Variants in HS2ST1 observed in about 807,000 individuals in gnomAD.
The protein encoded by HS2ST1 is heparan sulfate 2-O-sulfotransferase 1.
A neutral mutation model predicts 42.9 loss-of-function variants in HS2ST1; 18 were observed. The ratio of observed to expected loss-of-function variants is 0.42; its 90% CI spans 0.29 to 0.62. The LOEUF is 0.62. HS2ST1 is among the 20% of genes least tolerant of loss of function. The pLI, the probability that HS2ST1 is intolerant of heterozygous loss-of-function variation, is 0.21. For missense variants in HS2ST1, 334 were observed against 433.8 expected (o/e 0.77, Z 2.04); for synonymous variants, 146 against 152.9 (o/e 0.95, Z 0.33).
chr1:87,064,337 A>C (rs1169303315), intron 1 of HS2ST1, among the ~76,000 whole-genome samples: 1 of 152,198 alleles, frequency 6.6e-6, no homozygotes, highest in Non-Finnish European at 1.5e-5. Flanking sequence ...CAGGGGTTCC[A>C]GTAGTCTACT....
intron 1 of HS2ST1, among the ~76,000 whole-genome samples, chr1:87,013,091 C>G (rs745821136): frequency 6.6e-6 from 1 of 152,206 alleles, no homozygotes; most frequent in Non-Finnish European, 1.5e-5. Context: ...GTCTACCATT[C>G]TAGGGTCTGG....
intron 1 of HS2ST1, among the ~76,000 whole-genome samples, chr1:86,917,960 G>A (rs554672149): frequency 1.3e-5 from 2 of 152,230 alleles, no homozygotes; most frequent in South Asian, 2.1e-4. Context: ...TTCCATACGT[G>A]CAAAATCACA....
Position 87,045,336 on chromosome 1 carries a change from A to G in HS2ST1, c.125-27598A>G, listed in dbSNP as rs115287846. ...CAATTTCTCATTCCAAATTCTGACA[A>G]CTTCTTGTGATTATTAGCTTCTGTC... On this transcript the variant is annotated intron_variant, in intron 1 of 6. Transcript: ENST00000370550. 8,507 of 1,272,642 alleles carry G rather than the reference A, an allele frequency of 6.7e-3. 33 individuals carry two copies. Among genetic ancestry groups the G allele is most frequent in the Non-Finnish European group, 8.8e-3 (7,623 of 869,902 alleles). The allele number at this position is 1,272,642 out of a possible 1,614,324, so 78.8% of individuals were successfully genotyped here.
intron 1 of HS2ST1, among the ~76,000 whole-genome samples, chr1:86,917,954 A>G (rs1479394923): frequency 3.9e-5 from 6 of 152,238 alleles, no homozygotes; most frequent in Admixed American, 3.9e-4. Flanking sequence ...GCTGTTTTCC[A>G]TACGTGCAAA....
chr1:87,073,477 C>G (rs960398679), intron 2 of HS2ST1, among the ~76,000 whole-genome samples: 1 of 151,998 alleles, frequency 6.6e-6, no homozygotes, highest in Non-Finnish European at 1.5e-5. Context: ...TGGCATGATA[C>G]CCTGCAATAA....
At chr1:86,934,386 A>C (rs1227411723) in intron 1 of HS2ST1, 1 of 152,258 alleles carries the variant, frequency 6.6e-6, no homozygotes, top group Non-Finnish European at 1.5e-5. Context: ...AAAACTCAGG[A>C]AAGTTTCCTC....
Position 86,992,879 on chromosome 1 carries a change from A to G in HS2ST1, c.124+77719A>G, listed in dbSNP as rs1038939899. The stretch of plus-strand genomic sequence containing the variant: ...AGTGTTTTTATTCTAGTTTTGATGA[A>G]GGGGAAGATTGTAGAAGAATTTAAT... On this transcript the variant is annotated intron_variant, in intron 1 of 6. Transcript: ENST00000370550. 7.1e-5 allele frequency: 37 copies of G among 524,270 alleles called. No homozygotes were observed. The Middle Eastern group carries it at 1.5e-3, about 21-fold the overall frequency. The allele number at this position is 524,270 out of a possible 1,614,324, so 32.5% of individuals were successfully genotyped here.
chr1:86,950,164 A>G (rs909437208), intron 1 of HS2ST1, among the ~76,000 whole-genome samples: 4 of 152,260 alleles, frequency 2.6e-5, no homozygotes, highest in Non-Finnish European at 5.9e-5. Context: ...AACTGACGTT[A>G]CGTATTCCTT....
rs935658750 is a variant in HS2ST1 at position 87,109,728 on chromosome 1, T to C, written c.*5032T>C. ...TGAGTTTTCTTAACAGAATTTGGTT[T>C]GTACTTGCAGTGGCTGAACAAAGAG... On this transcript the variant is annotated 3_prime_UTR_variant, in exon 7 of 7. Transcript: ENST00000370550. 3 of 152,124 alleles carry C rather than the reference T, an allele frequency of 2.0e-5. No individual in the cohort carries two copies. The highest frequency in any genetic ancestry group is 7.2e-5 in the African/African-American group (3 of 41,440). The allele number at this position is 152,124 out of a possible 1,614,324, so 9.4% of individuals were successfully genotyped here.
At chr1:86,916,672 G>T (rs1361551710) in intron 1 of HS2ST1, among the ~76,000 whole-genome samples, 3 of 152,008 alleles carry the variant, frequency 2.0e-5, no homozygotes, top group East Asian at 1.9e-4. Context: ...AATATTGAAG[G>T]TTATCCAGTC....
At chr1:87,060,218 C>T (rs1267504642) in intron 1 of HS2ST1, among the ~76,000 whole-genome samples, 1 of 152,066 alleles carries the variant, frequency 6.6e-6, no homozygotes, top group African/African-American at 2.4e-5. Context: ...CATCTTCTGT[C>T]CCTCTGTTTC....
chr1:86,959,602 G>T (rs148288715), intron 1 of HS2ST1, among the ~76,000 whole-genome samples: 1 of 152,296 alleles, frequency 6.6e-6, no homozygotes, highest in East Asian at 1.9e-4. Context: ...ATGTTGCAGA[G>T]AGCTGAGATC....
chr1:86,957,310 A>G (rs1170683736), intron 1 of HS2ST1, among the ~76,000 whole-genome samples: 2 of 152,230 alleles, frequency 1.3e-5, no homozygotes, highest in East Asian at 3.8e-4. Context: ...CCCATTTTAC[A>G]GAGGAAGAAA....
intron 1 of HS2ST1, among the ~76,000 whole-genome samples, chr1:87,049,929 T>C (rs1386703372): frequency 4.6e-5 from 7 of 152,086 alleles, no homozygotes; most frequent in Admixed American, 3.9e-4. Flanking sequence ...AACTCTCTTA[T>C]AAAGGTACAA....
rs553730556 is a variant in HS2ST1 at position 86,931,930 on chromosome 1, T to C, written c.124+16770T>C. Reference sequence around the variant, plus strand: ...AATTTAAGAAAATCTGATAAAGTAGTTTATAACTTTTCTTTCTTCTTTTTG... The same window carrying C: ...AATTTAAGAAAATCTGATAAAGTAGCTTATAACTTTTCTTTCTTCTTTTTG... On this transcript the variant is annotated intron_variant, in intron 1 of 6. Coordinates refer to ENST00000370550, the MANE Select transcript of HS2ST1 (RefSeq NM_012262.4). 2.0e-5 allele frequency among the ~76,000 whole-genome samples: 3 copies of C among 152,158 alleles called. No homozygotes were observed. In the East Asian group the frequency reaches 5.8e-4, roughly 29 times the overall value.
At chr1:86,988,696 C>T (rs181518101) in intron 1 of HS2ST1, among the ~76,000 whole-genome samples, 17 of 152,288 alleles carry the variant, frequency 1.1e-4, no homozygotes, top group Non-Finnish European at 2.2e-4. Flanking sequence ...TGATCATTGG[C>T]CTAATTACAG....
At position 87,104,616 on chromosome 1, in the gene HS2ST1, GC is replaced by G; in HGVS notation, c.993del (p.Val332PhefsTer30). 2 of 1,613,644 alleles carry G rather than the reference GC, an allele frequency of 1.2e-6. No individual in the cohort carries two copies. The highest frequency in any genetic ancestry group is 1.7e-6 in the Non-Finnish European group (2 of 1,179,608). The part of the protein sequence containing the change: ...LEQFQFIRAH[A>X]VREKDGDLYI... The stretch of plus-strand genomic sequence containing the variant: ...GCAGTTCCAATTCATCAGAGCCCAT[GC>G]CGTTCGAGAAAAAGATGGAGACCTC... On this transcript the variant is annotated frameshift_variant, in exon 7 of 7. Coordinates refer to ENST00000370550, the MANE Select transcript of HS2ST1 (RefSeq NM_012262.4). LOFTEE classifies it high-confidence loss of function.
intron 1 of HS2ST1, among the ~76,000 whole-genome samples, chr1:87,023,394 T>G (rs1650001063): frequency 6.6e-6 from 1 of 151,494 alleles, no homozygotes; most frequent in South Asian, 2.1e-4. Flanking sequence ...TCATGCATTC[T>G]GAGAATTACC....
intron 1 of HS2ST1, among the ~76,000 whole-genome samples, chr1:87,070,806 A>C (rs1434684978): frequency 6.6e-6 from 1 of 151,882 alleles, no homozygotes; most frequent in African/African-American, 2.4e-5. Context: ...TATTTTATGG[A>C]TTATCTTTTC....
Sources: gnomAD v4.1 joint callset for allele counts (sites outside exome capture counted in the v4.1 genomes callset) on GRCh38, gnomAD v4.1.1 for gene constraint, MANE v1.5 for transcripts, NCBI Gene and HGNC (gene_info 2026-07-23, HGNC 2026-07-21) for gene names.